Variants in MGAT5 observed in about 807,000 individuals in gnomAD.
MGAT5 encodes the protein alpha-1,6-mannosylglycoprotein 6-beta-N-acetylglucosaminyltransferase A.
MGAT5 carries 30 observed loss-of-function variants against 94.3 expected under a neutral mutation model. That is an observed-to-expected ratio of 0.32 (90% CI 0.24 to 0.43). MGAT5 has a LOEUF of 0.43. Among genes scored for constraint, MGAT5 ranks in the 20% least tolerant of loss-of-function variants. The pLI is 1.00. For synonymous variants in MGAT5, 310 were observed against 322.9 expected (o/e 0.96, Z 0.43); for missense variants, 691 against 905.5 (o/e 0.76, Z 3.04).
intron 1 of MGAT5, among the ~76,000 whole-genome samples, chr2:134,134,236 A>G (rs570773728): frequency 6.6e-6 from 1 of 152,270 alleles, no homozygotes; most frequent in South Asian, 2.1e-4. Flanking sequence ...CTTTGTTCAG[A>G]TGGATGGCTG....
intron 1 of MGAT5, among the ~76,000 whole-genome samples, chr2:134,138,378 G>A (rs569532587): frequency 3.0e-4 from 45 of 152,232 alleles, no homozygotes; most frequent in African/African-American, 1.1e-3. Flanking sequence ...CATAAATAAA[G>A]TCCAGAAGGT....
At chr2:134,338,509 T>TTTGAG in intron 6 of MGAT5, 89 bp downstream of exon 6, 1 of 1,369,648 alleles carries the variant, frequency 7.3e-7, no homozygotes, top group Non-Finnish European at 9.9e-7. Context: ...AGAAATGTCA[T>TTTGAG]ATCTCAAATG....
At chr2:134,260,080 C>CAGCGTATG (rs58725829) in intron 1 of MGAT5, among the ~76,000 whole-genome samples, 1 of 151,808 alleles carries the variant, frequency 6.6e-6, no homozygotes, top group East Asian at 1.9e-4. Context: ...GTCCTAAGGC[C>CAGCGTATG]TACTCCAGGG....
In MGAT5 at chr2:134,410,309, C is replaced by T. The variant is rs116075328; in HGVS notation, c.1531-2560C>T. ...GTGCTATTTGACCTTAATACATCTG[C>T]TCCATTGTAATATCACAGGTAATAA... On this transcript the variant is annotated intron_variant, in intron 11 of 15. Transcript: ENST00000281923. 4.1e-3 allele frequency among the ~76,000 whole-genome samples: 624 copies of T among 152,290 alleles called. 4 individuals carry two copies. Among genetic ancestry groups the T allele is most frequent in the African/African-American group, 0.015 (603 of 41,554 alleles).
intron 1 of MGAT5, among the ~76,000 whole-genome samples, chr2:134,225,387 C>T (rs1170449671): frequency 6.6e-6 from 1 of 152,152 alleles, no homozygotes; most frequent in Non-Finnish European, 1.5e-5. Context: ...GAGTGATGTT[C>T]AAGGAGCAGT....
At chr2:134,379,210 T>A (rs890992893) in intron 10 of MGAT5, among the ~76,000 whole-genome samples, 18 of 152,236 alleles carry the variant, frequency 1.2e-4, no homozygotes, top group Non-Finnish European at 2.1e-4. Flanking sequence ...TGAAACAGTT[T>A]CTAAATATTT....
At chr2:134,141,488 G>A (rs1431780390) in intron 1 of MGAT5, among the ~76,000 whole-genome samples, 2 of 147,564 alleles carry the variant, frequency 1.4e-5, no homozygotes, top group Non-Finnish European at 3.0e-5. Flanking sequence ...GGATAGATGG[G>A]TGGGTGGATG....
chr2:134,392,099 G>A (rs1368206075), intron 10 of MGAT5, among the ~76,000 whole-genome samples: 1 of 152,196 alleles, frequency 6.6e-6, no homozygotes, highest in African/African-American at 2.4e-5. Flanking sequence ...GGAGGACGTA[G>A]AAAGTGAGAG....
chr2:134,360,186 G>A (rs1679995797), intron 9 of MGAT5, among the ~76,000 whole-genome samples: 1 of 151,774 alleles, frequency 6.6e-6, no homozygotes, highest in African/African-American at 2.4e-5. Flanking sequence ...GTAGAAGAGA[G>A]CTTAGATGTG....
intron 13 of MGAT5, among the ~76,000 whole-genome samples, chr2:134,425,630 T>C (rs953569086): frequency 6.6e-6 from 1 of 152,192 alleles, no homozygotes; most frequent in African/African-American, 2.4e-5. Context: ...CCATTTCTTA[T>C]TGAATGATGC....
At chr2:134,374,273 G>A (rs538635394) in intron 10 of MGAT5, among the ~76,000 whole-genome samples, 1 of 152,272 alleles carries the variant, frequency 6.6e-6, no homozygotes, top group Non-Finnish European at 1.5e-5. Flanking sequence ...TTTGCACCTG[G>A]GGGCTTACCA....
At position 134,297,196 on chromosome 2, in the gene MGAT5, CAAAAAAAA is replaced by C. The variant is rs143685303; in HGVS notation, c.407-20319_407-20312del. Among the ~76,000 whole-genome samples, 2 of 100,480 alleles carry C rather than the reference CAAAAAAAA, an allele frequency of 2.0e-5. 1 individual carries two copies. The highest frequency in any genetic ancestry group is 7.8e-5 in the African/African-American group (2 of 25,680). 65.9% of individuals were successfully genotyped at this position (100,480 alleles called of 152,430 possible). ...TGGGCAACAGACTGAGACCTGGTCT[CAAAAAAAA>C]AAAAAAAAAAAAATCATCTGAATAG... On this transcript the variant is annotated intron_variant, in intron 2 of 15. Coordinates refer to ENST00000281923, the MANE Select transcript of MGAT5 (RefSeq NM_002410.5).
In MGAT5 at chr2:134,450,216, T is replaced by A. The variant is rs1469912123; in HGVS notation, c.*1369T>A. 1 of 152,324 alleles carries A rather than the reference T, an allele frequency of 6.6e-6. No homozygotes were observed. Among genetic ancestry groups the A allele is most frequent in the African/African-American group, 2.4e-5 (1 of 41,458 alleles). 9.4% of individuals were successfully genotyped at this position (152,324 alleles called of 1,614,324 possible). ...TTCTGAAAAGCCCCTGACATCTCCA[T>A]GCTGATGCAAGTGAGACCCCTTCTG... is the stretch of plus-strand genomic sequence containing the variant. On this transcript the variant is annotated 3_prime_UTR_variant, in exon 16 of 16. Transcript: ENST00000281923.
At chr2:134,284,621 T>C (rs1385342522) in intron 2 of MGAT5, among the ~76,000 whole-genome samples, 1 of 151,758 alleles carries the variant, frequency 6.6e-6, no homozygotes, top group Non-Finnish European at 1.5e-5. Context: ...GAGAGATCGC[T>C]GTGTCCCAGA....
At chr2:134,392,651 T>C (rs1486998432) in intron 10 of MGAT5, among the ~76,000 whole-genome samples, 2 of 152,244 alleles carry the variant, frequency 1.3e-5, no homozygotes, top group Non-Finnish European at 2.9e-5. Context: ...CACTCGGTAT[T>C]CTGAGGGGAG....
At chr2:134,155,681 C>T (rs1013882552) in intron 1 of MGAT5, among the ~76,000 whole-genome samples, 2 of 152,182 alleles carry the variant, frequency 1.3e-5, no homozygotes, top group African/African-American at 4.8e-5. Context: ...ATACCTCTGG[C>T]CCAGGTGACA....
intron 2 of MGAT5, among the ~76,000 whole-genome samples, chr2:134,290,817 A>T (rs1464685089): frequency 6.6e-6 from 1 of 151,306 alleles, no homozygotes; most frequent in African/African-American, 2.4e-5. Context: ...TTTAAAAAAA[A>T]TTTACAAAGC....
chr2:134,446,608 T>C (rs1685791841), intron 15 of MGAT5, among the ~76,000 whole-genome samples: 1 of 152,156 alleles, frequency 6.6e-6, no homozygotes. Context: ...AGGAAATCCA[T>C]AAAAATTGAC....
intron 1 of MGAT5, 84 bp downstream of exon 1, chr2:134,254,728 A>G (rs1301430845): frequency 3.8e-5 from 59 of 1,532,852 alleles, no homozygotes; most frequent in Non-Finnish European, 4.7e-5. Flanking sequence ...TGGTCTTGTC[A>G]TGGACTGAAT....
Sources: gnomAD v4.1 joint callset for allele counts (sites outside exome capture counted in the v4.1 genomes callset) on GRCh38, gnomAD v4.1.1 for gene constraint, MANE v1.5 for transcripts, NCBI Gene and HGNC (gene_info 2026-07-23, HGNC 2026-07-21) for gene names.